The following FRA10AC1 variants were observed in gnomAD, a reference collection of about 807,000 sequenced individuals.
The protein encoded by FRA10AC1 is FRA10A associated CGG repeat 1.
A neutral mutation model predicts 56.5 loss-of-function variants in FRA10AC1; 43 were observed. The ratio of observed to expected loss-of-function variants is 0.76; its 90% CI spans 0.60 to 0.98. FRA10AC1 has a LOEUF of 0.98. FRA10AC1 is among the 50% of genes least tolerant of loss of function. FRA10AC1 has a pLI of 0.00. For synonymous variants in FRA10AC1, 112 were observed against 110.5 expected (o/e 1.01, Z -0.09); for missense variants, 346 against 351.8 (o/e 0.98, Z 0.13).
chr10:93,687,520 CAAT>C, intron 7 of FRA10AC1, 71 bp from the exon 8 acceptor site: 2 of 1,302,080 alleles, frequency 1.5e-6, no homozygotes, highest in Non-Finnish European at 2.1e-6. Flanking sequence ...ATGGAGCCAA[CAAT>C]GACATTCACC....
chr10:93,669,895 G>T lies in FRA10AC1; in HGVS notation c.906-27C>A, dbSNP rs764783725. On this transcript the variant is annotated intron_variant, in intron 13 of 13. Coordinates refer to ENST00000359204, the MANE Select transcript of FRA10AC1 (RefSeq NM_145246.5). ...TATTTAAAAAAAAAAGCATACTTAAGATCAATAGAGTAAAAAAATTACTAC... is the reference window on the plus strand; with the variant it reads ...TATTTAAAAAAAAAAGCATACTTAATATCAATAGAGTAAAAAAATTACTAC... 3.3e-5 allele frequency: 42 copies of T among 1,288,780 alleles called. 1 individual carries two copies. In the Admixed American group the frequency reaches 4.9e-4, roughly 15 times the overall value. 79.8% of individuals were successfully genotyped at this position (1,288,780 alleles called of 1,614,324 possible).
chr10:93,673,523 T>C, intron 12 of FRA10AC1: 2 of 365,266 alleles, frequency 5.5e-6, no homozygotes, highest in South Asian at 4.3e-5. Flanking sequence ...AGGTCTATCA[T>C]CTTGGTTTTT....
chr10:93,684,534 C>T (rs1433063277), intron 9 of FRA10AC1, among the ~76,000 whole-genome samples: 1 of 145,228 alleles, frequency 6.9e-6, no homozygotes, highest in Admixed American at 7.0e-5. Context: ...TCAGTTCACA[C>T]TGGCTGACTT....
intron 5 of FRA10AC1, 76 bp downstream of exon 5, chr10:93,694,785 G>C: frequency 1.8e-6 from 1 of 547,550 alleles, no homozygotes; most frequent in African/African-American, 2.3e-5. Context: ...GACAGAATCA[G>C]AAGGCACAGT....
rs765156157 is a variant in FRA10AC1, at chr10:93,698,181, C to T, written c.174G>A (p.Arg58=). ...HKQVAAELLD[R]EEARNRRFHL... is the part of the protein sequence containing the mutation. ...GAAACCTTCTATTTCTTGCTTCTTC[C>T]CTGTTAAAACAAATTTTTTTAAGAA... Residue 58 remains arginine, a splice_region_variant and synonymous_variant, in exon 4 of 14, where the codon AGG becomes AGA. Coordinates refer to ENST00000359204, the MANE Select transcript of FRA10AC1 (RefSeq NM_145246.5). The T allele has an allele frequency of 6.3e-7, 1 of 1,577,442 alleles. No homozygotes were observed. The highest frequency in any genetic ancestry group is 1.2e-5 in the South Asian group (1 of 85,788).
At chr10:93,697,574 T>G (rs1238898233) in intron 4 of FRA10AC1, among the ~76,000 whole-genome samples, 1 of 152,168 alleles carries the variant, frequency 6.6e-6, no homozygotes, top group Non-Finnish European at 1.5e-5. Context: ...CCAGTCTTAT[T>G]AAAAAACTGA....
intron 5 of FRA10AC1, among the ~76,000 whole-genome samples, chr10:93,694,265 GC>G (rs1476069847): frequency 1.3e-5 from 2 of 152,012 alleles, no homozygotes; most frequent in Non-Finnish European, 2.9e-5. Flanking sequence ...AAAGATCTTT[GC>G]CAAGAAGACA....
At chr10:93,675,537 T>C (rs2058826854) in intron 12 of FRA10AC1, 1 of 177,010 alleles carries the variant, frequency 5.6e-6, no homozygotes, top group African/African-American at 2.4e-5. Flanking sequence ...AAACCCCATC[T>C]CTACTAAATA....
At position 93,700,029 on chromosome 10, in the gene FRA10AC1, C is replaced by T; in HGVS notation, c.77+1G>A. 2 of 1,525,318 alleles carry T rather than the reference C, an allele frequency of 1.3e-6. No individual in the cohort carries two copies. Among genetic ancestry groups the T allele is most frequent in the Non-Finnish European group, 1.8e-6 (2 of 1,106,342 alleles). 94.5% of individuals were successfully genotyped at this position (1,525,318 alleles called of 1,614,324 possible). ...TAGATCAATAAAAAAAAATTACTTA[C>T]CTTTTTTTCCTTTTGCTGGATTCTC... On this transcript the variant is annotated splice_donor_variant, in intron 2 of 13. Transcript: ENST00000359204. LOFTEE classifies it high-confidence loss of function.
At chr10:93,676,531 G>A (rs1212109592) in intron 12 of FRA10AC1, 122 bp downstream of exon 12, 26 of 1,362,858 alleles carry the variant, frequency 1.9e-5, no homozygotes, top group Non-Finnish European at 2.5e-5. Context: ...TTTTTCTCAT[G>A]TACAAAAATA....
At chr10:93,671,584 C>T in intron 12 of FRA10AC1, 1 of 160,940 alleles carries the variant, frequency 6.2e-6, no homozygotes, top group Non-Finnish European at 1.3e-5. Flanking sequence ...ACCTAATTCC[C>T]CACCAATTAG....
intron 8 of FRA10AC1, 160 bp from the exon 9 acceptor site, chr10:93,685,519 G>T: frequency 2.2e-6 from 1 of 449,060 alleles, no homozygotes; most frequent in Non-Finnish European, 3.9e-6. Flanking sequence ...TTGTATACAA[G>T]TATCAAATCA....
intron 4 of FRA10AC1, among the ~76,000 whole-genome samples, chr10:93,695,169 T>TA (rs1225925179): frequency 6.6e-6 from 1 of 152,136 alleles, no homozygotes; most frequent in Non-Finnish European, 1.5e-5. Flanking sequence ...AAGCATATAC[T>TA]ACTCTTGTGA....
intron 2 of FRA10AC1, among the ~76,000 whole-genome samples, chr10:93,699,060 G>A (rs1357727628): frequency 6.6e-6 from 1 of 152,068 alleles, no homozygotes; most frequent in Non-Finnish European, 1.5e-5. Flanking sequence ...CTTCCGATGT[G>A]GCCCAGGAAA....
At chr10:93,673,327 C>A (rs879219138) in intron 12 of FRA10AC1, 1 of 456,574 alleles carries the variant, frequency 2.2e-6, no homozygotes, top group South Asian at 1.5e-5. Context: ...TCCCTCCCAT[C>A]CTTTCACTCT....
intron 7 of FRA10AC1, among the ~76,000 whole-genome samples, chr10:93,691,178 A>T (rs2059118642): frequency 6.6e-6 from 1 of 152,146 alleles, no homozygotes; most frequent in African/African-American, 2.4e-5. Context: ...TGAGATAGAA[A>T]TAAAAGTAAC....
intron 12 of FRA10AC1, among the ~76,000 whole-genome samples, chr10:93,675,860 A>C (rs116885701): frequency 3.6e-3 from 552 of 152,344 alleles, no homozygotes; most frequent in Non-Finnish European, 5.6e-3. Flanking sequence ...TAAAAAATTC[A>C]ACATTATATT....
chr10:93,687,296 G>A, intron 8 of FRA10AC1, 108 bp downstream of exon 8: 1 of 860,860 alleles, frequency 1.2e-6, no homozygotes, highest in Non-Finnish European at 1.7e-6. Flanking sequence ...TTTTACTTTT[G>A]TAGCTAATAA....
chr10:93,681,155 C>T (rs2058927808), intron 11 of FRA10AC1, among the ~76,000 whole-genome samples: 3 of 152,076 alleles, frequency 2.0e-5, no homozygotes, highest in Admixed American at 2.0e-4. Flanking sequence ...GCACCTCACC[C>T]CTATACACAT....
Sources: allele counts gnomAD v4.1 joint callset (sites outside exome capture counted in the v4.1 genomes callset), GRCh38; gene constraint gnomAD v4.1.1; transcripts MANE v1.5; gene names NCBI Gene and HGNC (gene_info 2026-07-23, HGNC 2026-07-21).